Variants in ATL1 observed in about 807,000 individuals in gnomAD.
ATL1 encodes the protein atlastin-1.
In ATL1, 31 loss-of-function variants were observed where a neutral mutation model predicts 75.5. The observed-to-expected ratio is 0.41, with a 90% CI of 0.31 to 0.55. ATL1 has a LOEUF of 0.55. ATL1 is among the 20% of genes least tolerant of loss of function. ATL1 has a pLI of 0.27. For synonymous variants in ATL1, 226 were observed against 233.3 expected, an observed-to-expected ratio of 0.97 and a Z score of 0.28; for missense variants, 405 against 662.6, an observed-to-expected ratio of 0.61 and a Z score of 4.27.
chr14:50,609,256 A>G (rs1344638994), intron 6 of ATL1, among the ~76,000 whole-genome samples: 1 of 152,066 alleles, frequency 6.6e-6, no homozygotes, highest in Admixed American at 6.6e-5. Flanking sequence ...CATTAAATGT[A>G]TATTTGTTTG....
At chr14:50,602,233 C>T (rs2039277854) in intron 6 of ATL1, among the ~76,000 whole-genome samples, 1 of 152,160 alleles carries the variant, frequency 6.6e-6, no homozygotes. Context: ...TCATTTTCCA[C>T]TTGTATGACT....
intron 1 of ATL1, among the ~76,000 whole-genome samples, chr14:50,586,358 T>G (rs978553857): frequency 6.6e-6 from 1 of 152,166 alleles, no homozygotes; most frequent in Non-Finnish European, 1.5e-5. Context: ...GGTTTTTTTG[T>G]AAGGGTCTTC....
intron 6 of ATL1, among the ~76,000 whole-genome samples, chr14:50,604,384 A>G (rs1327890782): frequency 6.6e-6 from 1 of 152,108 alleles, no homozygotes; most frequent in Non-Finnish European, 1.5e-5. Flanking sequence ...ATGACTTATG[A>G]GCAAGAACTT....
In ATL1 at chr14:50,587,850, A is replaced by T; in HGVS notation, c.54A>T (p.Thr18=). Residue 18 remains threonine, a synonymous_variant, in exon 2 of 14, where the codon ACA becomes ACT. Transcript: ENST00000358385. The part of the protein sequence containing the change: ...RNSWGGFSEK[T]YEWSSEEEEP... ...CAACAGGTGGATTTTCGGAAAAGAC[A>T]TATGAATGGAGCTCAGAAGAGGAGG... 6.2e-7 allele frequency: 1 copy of T among 1,614,248 alleles called. No homozygotes were observed. Among genetic ancestry groups the T allele is most frequent in the Non-Finnish European group, 8.5e-7 (1 of 1,180,044 alleles).
At chr14:50,536,526 TAAC>T in intron 1 of ATL1, among the ~76,000 whole-genome samples, 1 of 151,738 alleles carries the variant, frequency 6.6e-6, no homozygotes, top group Non-Finnish European at 1.5e-5. Flanking sequence ...TGGAACTGGG[TAAC>T]AGGCAGAGGT....
intron 1 of ATL1, among the ~76,000 whole-genome samples, chr14:50,546,381 CGT>C (rs544174974): frequency 6.7e-6 from 1 of 150,126 alleles, no homozygotes; most frequent in African/African-American, 2.4e-5. Context: ...TGTGTGTGTG[CGT>C]GTGTGTGTGT....
chr14:50,560,946 G>C (rs2038836040), intron 1 of ATL1: 2 of 153,300 alleles, frequency 1.3e-5, no homozygotes, highest in South Asian at 4.1e-4. Context: ...GGGGAAGAAG[G>C]AGAGCAAAGT....
intron 8 of ATL1, among the ~76,000 whole-genome samples, chr14:50,615,712 T>C (rs1490864997): frequency 6.6e-6 from 1 of 152,202 alleles, no homozygotes; most frequent in Non-Finnish European, 1.5e-5. Context: ...TATTGTGCAA[T>C]TACCTAATGG....
At chr14:50,612,924 G>C (rs1237579228) in intron 6 of ATL1, among the ~76,000 whole-genome samples, 1 of 152,032 alleles carries the variant, frequency 6.6e-6, no homozygotes, top group East Asian at 1.9e-4. Flanking sequence ...TATCAGAAAG[G>C]AAGATTCCTA....
rs192546113 is a variant in ATL1, at chr14:50,608,941, C to T, written c.631-4318C>T. On this transcript the variant is annotated intron_variant, in intron 6 of 13. Coordinates refer to ENST00000358385, the MANE Select transcript of ATL1 (RefSeq NM_015915.5). ...GGATGTGGGTATTTTTAATTCTTTT[C>T]TCTACAAGAATCCCTCCTCTCCCCC... 2.2e-4 allele frequency among the ~76,000 whole-genome samples: 33 copies of T among 152,028 alleles called. 1 individual carries two copies. Among genetic ancestry groups the T allele is most frequent in the Admixed American group, 1.9e-3 (29 of 15,254 alleles).
intron 1 of ATL1, among the ~76,000 whole-genome samples, chr14:50,575,881 A>G (rs1489064938): frequency 6.6e-6 from 1 of 152,206 alleles, no homozygotes; most frequent in Non-Finnish European, 1.5e-5. Flanking sequence ...GGCTAAATTC[A>G]GTAGCTGAGT....
chr14:50,613,848 A>G (rs2039389449), intron 7 of ATL1, among the ~76,000 whole-genome samples: 1 of 152,212 alleles, frequency 6.6e-6, no homozygotes, highest in Non-Finnish European at 1.5e-5. Context: ...TACAGTCATA[A>G]AAGTTTGTCT....
chr14:50,550,083 A>G (rs551555576), intron 1 of ATL1, among the ~76,000 whole-genome samples: 2 of 152,290 alleles, frequency 1.3e-5, no homozygotes, highest in Non-Finnish European at 2.9e-5. Context: ...GCTGGAGGAT[A>G]AGTGATCCCA....
At chr14:50,568,514 C>T (rs1042259978) in intron 1 of ATL1, among the ~76,000 whole-genome samples, 4 of 152,108 alleles carry the variant, frequency 2.6e-5, no homozygotes, top group African/African-American at 7.2e-5. Flanking sequence ...TTTATATTTA[C>T]GTGGAATATC....
At position 50,621,854 on chromosome 14, in the gene ATL1, GATCT is replaced by G; in HGVS notation, c.1006_1009del (p.Tyr336LysfsTer21). The G allele has an allele frequency of 6.3e-7, 1 of 1,588,164 alleles. No individual in the cohort carries two copies. On this transcript the variant is annotated frameshift_variant, in exon 10 of 14. Coordinates refer to ENST00000358385, the MANE Select transcript of ATL1 (RefSeq NM_015915.5). LOFTEE classifies it high-confidence loss of function. ...TTCTTTTTTTTTAGGCTTATATAAA[GATCT>G]ATCAAGGTGAAGAATTACCACATCC...
chr14:50,619,286 C>T (rs2039444411), intron 8 of ATL1, among the ~76,000 whole-genome samples: 1 of 152,140 alleles, frequency 6.6e-6, no homozygotes. Context: ...GTGTCGATCT[C>T]CTGACCTCAT....
chr14:50,583,121 T>C (rs752279095), intron 1 of ATL1, among the ~76,000 whole-genome samples: 1 of 152,142 alleles, frequency 6.6e-6, no homozygotes, highest in Non-Finnish European at 1.5e-5. Context: ...GTAACCCCAA[T>C]AGGCAAATAT....
At chr14:50,591,396 A>G in intron 3 of ATL1, 139 bp from the exon 4 acceptor site, 2 of 649,074 alleles carry the variant, frequency 3.1e-6, no homozygotes, top group Admixed American at 5.7e-5. Flanking sequence ...TTTCTGTGGC[A>G]TTCATGGCAT....
intron 1 of ATL1, among the ~76,000 whole-genome samples, chr14:50,545,422 G>A (rs538525409): frequency 3.8e-4 from 58 of 152,346 alleles, no homozygotes; most frequent in Non-Finnish European, 7.6e-4. Flanking sequence ...AGGAAGGGGT[G>A]TCTGCAGTGG....
Sources: gnomAD v4.1 joint callset for allele counts (sites outside exome capture counted in the v4.1 genomes callset) on GRCh38, gnomAD v4.1.1 for gene constraint, MANE v1.5 for transcripts, NCBI Gene and HGNC (gene_info 2026-07-23, HGNC 2026-07-21) for gene names.